MAGT1: variants seen among roughly 807,000 people sequenced by gnomAD.
The protein encoded by MAGT1 is dolichyl-diphosphooligosaccharide--protein glycosyltransferase subunit MAGT1.
Under a neutral mutation model 28.4 loss-of-function variants are expected in MAGT1, and 4 were observed. The ratio of observed to expected loss-of-function variants is 0.14; its 90% confidence interval spans 0.07 to 0.32. The LOEUF is 0.32. Ranked by LOEUF, MAGT1 falls within the 10% of genes least tolerant of loss-of-function variation. The probability of loss-of-function intolerance (pLI) is 1.00; values close to 1 mark genes in which losing one functional copy is unlikely to be tolerated. For synonymous variants in MAGT1, 89 were observed against 89.7 expected (o/e 0.99, Z 0.04); for missense variants, 193 against 264.5 (o/e 0.73, Z 1.88).
intron 2 of MAGT1, among the ~76,000 whole-genome samples, chrX:77,873,979 C>A (rs2077026577): frequency 9.2e-6 from 1 of 109,051 alleles, no homozygotes; most frequent in Non-Finnish European, 1.9e-5. Flanking sequence ...AGATCCCATG[C>A]ATCTTTTTTT....
intron 8 of MAGT1, among the ~76,000 whole-genome samples, chrX:77,832,747 C>T (rs1279345884): frequency 3.0e-5 from 3 of 98,417 alleles, no homozygotes; most frequent in Non-Finnish European, 6.0e-5. Context: ...GCAGGATAAT[C>T]GCTTGGCAAA....
At chrX:77,833,779 A>C (rs2076905414) in intron 8 of MAGT1, among the ~76,000 whole-genome samples, 1 of 112,106 alleles carries the variant, frequency 8.9e-6, no homozygotes, top group Non-Finnish European at 1.9e-5. Flanking sequence ...AGAAATAGAA[A>C]AAACAAAATT....
At chrX:77,843,876 A>T (rs974846624) in intron 7 of MAGT1, among the ~76,000 whole-genome samples, 1 of 111,194 alleles carries the variant, frequency 9.0e-6, no homozygotes, top group South Asian at 3.8e-4. Flanking sequence ...TTTTGCATCA[A>T]TGTTCATCAG....
At chrX:77,851,674 G>A (rs1196153267) in intron 7 of MAGT1, among the ~76,000 whole-genome samples, 2 of 107,727 alleles carry the variant, frequency 1.9e-5, no homozygotes, top group Non-Finnish European at 3.9e-5. Flanking sequence ...ACGCCTGGCC[G>A]TCTGGCTAAG....
intron 1 of MAGT1, among the ~76,000 whole-genome samples, chrX:77,884,330 G>C (rs2077061436): frequency 8.9e-6 from 1 of 112,101 alleles, no homozygotes; most frequent in Non-Finnish European, 1.9e-5. Flanking sequence ...TGGATTTATG[G>C]AGAAAATAAT....
At chrX:77,895,270 A>T in intron 1 of MAGT1, 39 bp downstream of exon 1, 1 of 1,198,460 alleles carries the variant, frequency 8.3e-7, no homozygotes. Context: ...AGCCCCAGTC[A>T]TTGGGAAAAG....
intron 6 of MAGT1, among the ~76,000 whole-genome samples, chrX:77,855,023 C>T (rs1455990946): frequency 1.8e-5 from 2 of 111,655 alleles, no homozygotes; most frequent in South Asian, 3.7e-4. Flanking sequence ...AAGAGCACTG[C>T]GGCCGGGTGC....
chrX:77,895,487 G>A (rs782236681), upstream of MAGT1: 7 of 1,174,985 alleles, frequency 6.0e-6, no homozygotes, highest in Non-Finnish European at 8.0e-6. Context: ...CAGGCAAATC[G>A]GCCCCTTGCC....
chrX:77,840,896 G>A (rs1557214340), intron 8 of MAGT1, among the ~76,000 whole-genome samples: 2 of 111,779 alleles, frequency 1.8e-5, no homozygotes, highest in South Asian at 7.3e-4. Context: ...TATAGAAAAA[G>A]TTATTAGTTA....
intron 3 of MAGT1, among the ~76,000 whole-genome samples, chrX:77,861,145 C>T (rs1037566173): frequency 4.6e-5 from 5 of 108,878 alleles, no homozygotes; most frequent in Non-Finnish European, 9.5e-5. Context: ...TGCCATTGTA[C>T]TCCAGTCTGG....
At chrX:77,846,189 T>G (rs1393935580) in intron 7 of MAGT1, among the ~76,000 whole-genome samples, 3 of 111,790 alleles carry the variant, frequency 2.7e-5, no homozygotes, top group Non-Finnish European at 5.6e-5. Flanking sequence ...CATTTGATCT[T>G]CCATCACTGA....
intron 1 of MAGT1, 100 bp from the exon 2 acceptor site, chrX:77,875,697 G>C: frequency 1.1e-6 from 1 of 894,069 alleles, no homozygotes; most frequent in South Asian, 2.2e-5. Flanking sequence ...AACAAGCAGA[G>C]GTATACAGAA....
intron 2 of MAGT1, among the ~76,000 whole-genome samples, chrX:77,875,159 C>T (rs1488981614): frequency 7.2e-5 from 8 of 110,564 alleles, no homozygotes; most frequent in Non-Finnish European, 1.3e-4. Context: ...CCCCATGCCC[C>T]GCCAAGTTGA....
chrX:77,854,535 G>C (rs535648362), intron 6 of MAGT1, among the ~76,000 whole-genome samples: 2 of 110,391 alleles, frequency 1.8e-5, no homozygotes, highest in African/African-American at 6.6e-5. Context: ...TTTTCATAGA[G>C]ATGACGTCTC....
chrX:77,880,397 C>T (rs1383319765), intron 1 of MAGT1, among the ~76,000 whole-genome samples: 2 of 108,148 alleles, frequency 1.8e-5, no homozygotes, highest in Non-Finnish European at 3.8e-5. Context: ...GGCGTGATGG[C>T]GGGTGCCTGT....
chrX:77,853,151 T>C (rs782000977), intron 7 of MAGT1, among the ~76,000 whole-genome samples: 1 of 112,126 alleles, frequency 8.9e-6, no homozygotes, highest in South Asian at 3.7e-4. Context: ...AGTAAAAATA[T>C]TCCTTGTCAT....
intron 1 of MAGT1, among the ~76,000 whole-genome samples, chrX:77,877,414 C>A (rs2077038426): frequency 9.0e-6 from 1 of 110,586 alleles, no homozygotes; most frequent in Admixed American, 9.8e-5. Flanking sequence ...TTGCTTGAGA[C>A]TGGGAGGCAG....
intron 5 of MAGT1, among the ~76,000 whole-genome samples, 164 bp from the exon 6 acceptor site, chrX:77,855,754 A>C (rs1215856768): frequency 9.0e-6 from 1 of 111,682 alleles, no homozygotes; most frequent in Non-Finnish European, 1.9e-5. Context: ...ACAATTCGAT[A>C]ATACTTCAAA....
intron 3 of MAGT1, among the ~76,000 whole-genome samples, chrX:77,860,347 C>T (rs2076991704): frequency 9.0e-6 from 1 of 110,986 alleles, no homozygotes; most frequent in Admixed American, 9.6e-5. Flanking sequence ...CTCAGCCTCC[C>T]AAAGTGCTGG....
Sources: allele counts gnomAD v4.1 joint callset (sites outside exome capture counted in the v4.1 genomes callset), GRCh38; gene constraint gnomAD v4.1.1; transcripts MANE v1.5; gene names NCBI Gene and HGNC (gene_info 2026-07-23, HGNC 2026-07-21).